SLC9A7: variants seen among roughly 807,000 people sequenced by gnomAD.
The protein encoded by SLC9A7 is solute carrier family 9 member A7.
Under a neutral mutation model 52.6 loss-of-function variants are expected in SLC9A7, and 19 were observed. That is an observed-to-expected ratio of 0.36 (90% CI 0.25 to 0.53). The LOEUF is 0.53. SLC9A7 is among the 20% of genes least tolerant of loss of function. The probability of loss-of-function intolerance (pLI) is 0.91; values close to 1 mark genes in which losing one functional copy is unlikely to be tolerated. For synonymous variants in SLC9A7, 226 were observed against 252.1 expected, an observed-to-expected ratio of 0.90 and a Z score of 0.98; for missense variants, 455 against 597.9, an observed-to-expected ratio of 0.76 and a Z score of 2.49.
intron 1 of SLC9A7, among the ~76,000 whole-genome samples, chrX:46,688,989 T>G (rs926421014): frequency 1.1e-4 from 12 of 111,902 alleles, no homozygotes; most frequent in Admixed American, 3.8e-4. Flanking sequence ...TAAAATTTTT[T>G]TTTTGCTTTA....
intron 16 of SLC9A7, 66 bp from the exon 17 acceptor site, chrX:46,607,269 C>CCCCAAT (rs1473799163): frequency 1.8e-6 from 2 of 1,117,070 alleles, no homozygotes; most frequent in Admixed American, 4.8e-5. Flanking sequence ...TTGGCACCAA[C>CCCCAAT]CCCAATCCCA....
chrX:46,679,149 AT>A (rs1378984925), intron 3 of SLC9A7, among the ~76,000 whole-genome samples: 11 of 112,147 alleles, frequency 9.8e-5, no homozygotes, highest in Admixed American at 4.7e-4. Flanking sequence ...TTGAGATTGG[AT>A]TTTTTTCACT....
chrX:46,708,155 T>A (rs936848147), intron 1 of SLC9A7, among the ~76,000 whole-genome samples: 2 of 111,809 alleles, frequency 1.8e-5, no homozygotes, highest in African/African-American at 3.3e-5. Context: ...AAAATTTTTT[T>A]AAAAAAGAAA....
At position 46,727,523 on chromosome X, in the gene SLC9A7, CTT is replaced by C. The variant is rs1169390757; in HGVS notation, c.325+31180_325+31181del. ...CCACAAGCCTCATCCAAACCACTCT[CTT>C]GATTCCACAGCAGGAGGAAGATACG... On this transcript the variant is annotated intron_variant, in intron 1 of 16. Transcript: ENST00000616978. Among the ~76,000 whole-genome samples, 2 of 112,144 alleles carry C rather than the reference CTT, an allele frequency of 1.8e-5. 1 individual carries two copies. Among genetic ancestry groups the C allele is most frequent in the African/African-American group, 6.5e-5 (2 of 30,892 alleles).
chrX:46,673,822 G>A (rs1187020078), intron 3 of SLC9A7, among the ~76,000 whole-genome samples: 1 of 111,688 alleles, frequency 9.0e-6, no homozygotes, highest in East Asian at 2.8e-4. Flanking sequence ...AGGTGTTAAG[G>A]AATGCCTGCT....
intron 1 of SLC9A7, among the ~76,000 whole-genome samples, chrX:46,693,545 C>T (rs1176328085): frequency 3.6e-5 from 4 of 109,917 alleles, no homozygotes; most frequent in Non-Finnish European, 7.6e-5. Flanking sequence ...TAAAGATGAA[C>T]TTAGACTCTG....
intron 1 of SLC9A7, among the ~76,000 whole-genome samples, chrX:46,728,013 T>G (rs1466997213): frequency 8.9e-6 from 1 of 112,113 alleles, no homozygotes; most frequent in Non-Finnish European, 1.9e-5. Flanking sequence ...TCTTGAGAGA[T>G]ATATTGATCT....
At chrX:46,686,804 T>C (rs1944302720) in intron 1 of SLC9A7, among the ~76,000 whole-genome samples, 1 of 112,044 alleles carries the variant, frequency 8.9e-6, no homozygotes, top group Admixed American at 9.5e-5. Flanking sequence ...ATTTCGTAGG[T>C]ACATTACTAA....
chrX:46,713,076 A>G (rs1004180873), intron 1 of SLC9A7, among the ~76,000 whole-genome samples: 10 of 112,737 alleles, frequency 8.9e-5, no homozygotes, highest in African/African-American at 3.2e-4. Context: ...TAATCTGATA[A>G]GAGGGAATAA....
chrX:46,745,757 A>C (rs944227946), intron 1 of SLC9A7, among the ~76,000 whole-genome samples: 1 of 109,463 alleles, frequency 9.1e-6, no homozygotes, highest in Admixed American at 9.8e-5. Context: ...AGGCAGAAGG[A>C]TCACTTGAGC....
intron 1 of SLC9A7, among the ~76,000 whole-genome samples, chrX:46,723,840 C>A (rs1268550877): frequency 8.9e-6 from 1 of 111,948 alleles, no homozygotes; most frequent in Non-Finnish European, 1.9e-5. Context: ...GTAATCCCAG[C>A]AATTTGGGAG....
intron 1 of SLC9A7, among the ~76,000 whole-genome samples, chrX:46,750,211 T>A (rs1178012780): frequency 8.9e-6 from 1 of 111,914 alleles, no homozygotes; most frequent in Non-Finnish European, 1.9e-5. Context: ...GCCAAATACA[T>A]CCTCAGCTAT....
At chrX:46,628,714 T>C (rs186618473) in intron 14 of SLC9A7, among the ~76,000 whole-genome samples, 35 of 112,624 alleles carry the variant, frequency 3.1e-4, no homozygotes, top group Middle Eastern at 4.6e-3. Flanking sequence ...CCCTTTTTTT[T>C]CTCTGGTGGA....
At chrX:46,707,308 A>G (rs1186727578) in intron 1 of SLC9A7, among the ~76,000 whole-genome samples, 1 of 112,317 alleles carries the variant, frequency 8.9e-6, no homozygotes. Flanking sequence ...CACAAAGGAC[A>G]TGAAATCCAT....
chrX:46,613,838 A>G (rs1391550937), intron 15 of SLC9A7, among the ~76,000 whole-genome samples: 1 of 111,094 alleles, frequency 9.0e-6, no homozygotes, highest in African/African-American at 3.3e-5. Context: ...AAACCACTCT[A>G]CCCAGAGGGC....
intron 1 of SLC9A7, among the ~76,000 whole-genome samples, chrX:46,717,323 T>A (rs755076014): frequency 1.8e-5 from 2 of 112,052 alleles, no homozygotes; most frequent in African/African-American, 6.5e-5. Flanking sequence ...TAAGAGAAAA[T>A]TACTGCACAA....
At chrX:46,656,031 G>A (rs1397101576) in intron 7 of SLC9A7, among the ~76,000 whole-genome samples, 10 of 110,755 alleles carry the variant, frequency 9.0e-5, no homozygotes, top group Non-Finnish European at 1.9e-4. Context: ...ATCTGAGAAC[G>A]GGCAGACTGC....
intron 1 of SLC9A7, among the ~76,000 whole-genome samples, chrX:46,742,096 A>G (rs1180344154): frequency 8.9e-6 from 1 of 111,820 alleles, no homozygotes; most frequent in Non-Finnish European, 1.9e-5. Flanking sequence ...ATCTATTAGA[A>G]TAGCTAAAAT....
At position 46,758,867 on chromosome X, in the gene SLC9A7, C is replaced by G. The variant is rs782063058; in HGVS notation, c.163G>C (p.Glu55Gln). ...GCCTCCTTCTCAGTAGCGAGCTCCT[C>G]CATGGCGCTGCTGTCCTCCGCCGCC... is the stretch of plus-strand genomic sequence containing the variant. The part of the protein sequence containing the change: ...GAAAEDSSAM[E>Q]ELATEKEAEE... Residue 55 changes from glutamate (E) to glutamine (Q), a missense_variant, in exon 1 of 17, where the codon GAG becomes CAG. Physicochemically the swap from Glu to Gln is conservative, Grantham distance 29 (BLOSUM62 2). Coordinates refer to ENST00000616978, the MANE Select transcript of SLC9A7 (RefSeq NM_001257291.2). 8 of 1,196,986 alleles carry G rather than the reference C, an allele frequency of 6.7e-6. No individual in the cohort carries two copies. The highest frequency in any genetic ancestry group is 9.0e-6 in the Non-Finnish European group (8 of 889,609).
Sources: allele counts gnomAD v4.1 joint callset (sites outside exome capture counted in the v4.1 genomes callset), GRCh38; gene constraint gnomAD v4.1.1; transcripts MANE v1.5; gene names NCBI Gene and HGNC (gene_info 2026-07-23, HGNC 2026-07-21).